The following HDAC9 variants were observed in gnomAD, a reference collection of about 807,000 sequenced individuals.
The protein encoded by HDAC9 is histone deacetylase 9.
Under a neutral mutation model 139.4 loss-of-function variants are expected in HDAC9, and 41 were observed. The ratio of observed to expected loss-of-function variants is 0.29; its 90% CI spans 0.23 to 0.38. HDAC9 has a LOEUF of 0.38. Among genes scored for constraint, HDAC9 ranks in the 10% least tolerant of loss-of-function variants. HDAC9 has a pLI of 1.00. For synonymous variants in HDAC9, 517 were observed against 476.2 expected (o/e 1.09, Z -1.12); for missense variants, 1,147 against 1,297.0 (o/e 0.88, Z 1.78).
intron 12 of HDAC9, among the ~76,000 whole-genome samples, chr7:18,693,567 C>T (rs1782822729): frequency 6.6e-6 from 1 of 152,096 alleles, no homozygotes; most frequent in Non-Finnish European, 1.5e-5. Context: ...GGTGGTGCAG[C>T]AGCACAAATT....
chr7:18,180,983 C>A (rs188364105), intron 2 of HDAC9, among the ~76,000 whole-genome samples: 1 of 152,058 alleles, frequency 6.6e-6, no homozygotes, highest in Non-Finnish European at 1.5e-5. Flanking sequence ...CCTTCTTTTG[C>A]GTGTGTGTCA....
chr7:18,315,579 G>T (rs1307384266), intron 1 of HDAC9, among the ~76,000 whole-genome samples: 1 of 152,212 alleles, frequency 6.6e-6, no homozygotes, highest in Non-Finnish European at 1.5e-5. Context: ...TAGGATCAGA[G>T]ACTTGAAATT....
intron 2 of HDAC9, among the ~76,000 whole-genome samples, chr7:18,210,603 GAGA>G (rs2128167729): frequency 6.6e-6 from 1 of 152,302 alleles, no homozygotes; most frequent in South Asian, 2.1e-4. Flanking sequence ...TCCAGAATCA[GAGA>G]AGTATTGTTT....
intron 1 of HDAC9, among the ~76,000 whole-genome samples, chr7:18,132,307 A>G (rs1020808834): frequency 6.6e-6 from 1 of 152,228 alleles, no homozygotes; most frequent in African/African-American, 2.4e-5. Flanking sequence ...AGAAACTCTC[A>G]TAAGATTGTA....
chr7:18,116,909 T>C (rs894569626), intron 1 of HDAC9, among the ~76,000 whole-genome samples: 1 of 152,238 alleles, frequency 6.6e-6, no homozygotes, highest in African/African-American at 2.4e-5. Flanking sequence ...TCTCACCACA[T>C]GGAACCACTA....
chr7:18,900,260 A>G (rs958262059), intron 22 of HDAC9, among the ~76,000 whole-genome samples: 7 of 152,196 alleles, frequency 4.6e-5, no homozygotes, highest in African/African-American at 1.7e-4. Flanking sequence ...GAAATCAAAG[A>G]TAAATAAATT....
intron 22 of HDAC9, among the ~76,000 whole-genome samples, chr7:18,910,137 A>G (rs958037047): frequency 6.6e-6 from 1 of 151,986 alleles, no homozygotes; most frequent in Non-Finnish European, 1.5e-5. Flanking sequence ...TTTAATCTGT[A>G]GATTGCTTTG....
intron 1 of HDAC9, among the ~76,000 whole-genome samples, chr7:18,108,603 C>T (rs541707556): frequency 2.1e-5 from 3 of 145,398 alleles, no homozygotes; most frequent in African/African-American, 7.5e-5. Flanking sequence ...GCATTTTACA[C>T]TCATCTCCTT....
intron 16 of HDAC9, among the ~76,000 whole-genome samples, chr7:18,774,010 A>C (rs1043686629): frequency 1.3e-5 from 2 of 152,016 alleles, no homozygotes; most frequent in Admixed American, 1.3e-4. Context: ...TCAAAATTCA[A>C]AACCAAAATA....
intron 1 of HDAC9, among the ~76,000 whole-genome samples, chr7:18,473,848 A>C (rs1036124536): frequency 3.9e-5 from 6 of 152,206 alleles, no homozygotes; most frequent in African/African-American, 1.4e-4. Flanking sequence ...AAACCCTTCA[A>C]ATCTTTGGGT....
intron 25 of HDAC9, among the ~76,000 whole-genome samples, chr7:18,977,873 C>G (rs997300813): frequency 2.0e-5 from 3 of 150,892 alleles, no homozygotes; most frequent in African/African-American, 7.3e-5. Flanking sequence ...CTGGCTCTTG[C>G]ATTTCAATTG....
At chr7:18,169,670 C>G (rs568556466) in intron 2 of HDAC9, among the ~76,000 whole-genome samples, 14 of 152,060 alleles carry the variant, frequency 9.2e-5, no homozygotes, top group Admixed American at 5.9e-4. Context: ...TCCAAGTGTT[C>G]TTATTGTTCA....
At chr7:18,162,119 A>G (rs999179233) in intron 1 of HDAC9, 20 of 556,150 alleles carry the variant, frequency 3.6e-5, no homozygotes, top group Non-Finnish European at 5.5e-5. Flanking sequence ...TCAAAGACAC[A>G]TGGTCGCGCT....
intron 2 of HDAC9, among the ~76,000 whole-genome samples, chr7:18,164,043 A>T (rs984847040): frequency 7.0e-4 from 107 of 152,322 alleles, no homozygotes; most frequent in African/African-American, 2.5e-3. Context: ...AATGAAGCTC[A>T]CTTGACTTTA....
chr7:18,359,428 T>C lies in HDAC9; in HGVS notation c.-42+68913T>C, dbSNP rs564625940. On this transcript the variant is annotated intron_variant, in intron 1 of 3. Coordinates refer to the HDAC9 transcript ENST00000413509. Reference sequence around the variant, plus strand: ...AAGGATATTTGCTGTTGTCCCAAACTATCTTCTTACTTCTTTTCTTCCACT... The same window carrying C: ...AAGGATATTTGCTGTTGTCCCAAACCATCTTCTTACTTCTTTTCTTCCACT... Among the ~76,000 whole-genome samples the C allele has an allele frequency of 4.6e-5, 7 of 152,330 alleles. No homozygotes were observed. The South Asian group carries it at 1.5e-3, about 32-fold the overall frequency.
intron 12 of HDAC9, among the ~76,000 whole-genome samples, chr7:18,680,348 G>C (rs1171713654): frequency 6.6e-6 from 1 of 151,960 alleles, no homozygotes; most frequent in Non-Finnish European, 1.5e-5. Flanking sequence ...GTGAGCAATA[G>C]ATTTTATTTT....
intron 1 of HDAC9, among the ~76,000 whole-genome samples, chr7:18,116,850 C>T (rs1490888259): frequency 2.0e-5 from 3 of 152,154 alleles, no homozygotes; most frequent in Non-Finnish European, 2.9e-5. Flanking sequence ...CAGGCATTGA[C>T]TCAGACTAAA....
In HDAC9 at chr7:18,781,975, A is replaced by G. The variant is rs576752717; in HGVS notation, c.2215-11370A>G. Among the ~76,000 whole-genome samples the G allele has an allele frequency of 2.0e-5, 3 of 152,240 alleles. 1 individual carries two copies. The South Asian group carries it at 6.2e-4, about 32-fold the overall frequency. ...TATTTTATTTTGCGGTTTAGCTTTA[A>G]TACAACCTGCTAAAATGGCACAGAA... is the stretch of plus-strand genomic sequence containing the variant. On this transcript the variant is annotated intron_variant, in intron 16 of 25. Coordinates refer to ENST00000686413, the MANE Select transcript of HDAC9 (RefSeq NM_178425.4).
At chr7:18,487,372 T>G (rs755897274) in intron 1 of HDAC9, among the ~76,000 whole-genome samples, 1 of 151,990 alleles carries the variant, frequency 6.6e-6, no homozygotes, top group Non-Finnish European at 1.5e-5. Flanking sequence ...ATGAAAAATT[T>G]GGGTAATATC....
Sources: gnomAD v4.1 joint callset for allele counts (sites outside exome capture counted in the v4.1 genomes callset) on GRCh38, gnomAD v4.1.1 for gene constraint, MANE v1.5 for transcripts, NCBI Gene and HGNC (gene_info 2026-07-23, HGNC 2026-07-21) for gene names.